The following PHLDB2 variants were observed in gnomAD, a reference collection of about 807,000 sequenced individuals.
PHLDB2 encodes the protein pleckstrin homology like domain family B member 2.
PHLDB2 carries 71 observed loss-of-function variants against 123.6 expected under a neutral mutation model. The ratio of observed to expected loss-of-function variants is 0.57; its 90% CI spans 0.47 to 0.70. PHLDB2 has a LOEUF of 0.70. Among genes scored for constraint, PHLDB2 ranks in the 30% least tolerant of loss-of-function variants. The pLI, the probability that PHLDB2 is intolerant of heterozygous loss-of-function variation, is 0.00. For missense variants in PHLDB2, 1,446 were observed against 1,519.5 expected (o/e 0.95, Z 0.80); for synonymous variants, 547 against 541.6 (o/e 1.01, Z -0.14).
At chr3:111,887,596 A>G (rs1430193431) in intron 2 of PHLDB2, among the ~76,000 whole-genome samples, 1 of 152,232 alleles carries the variant, frequency 6.6e-6, no homozygotes, top group Admixed American at 6.5e-5. Flanking sequence ...ATAGAGCAGT[A>G]TGAATGCCAA....
chr3:111,849,501 T>C (rs1323164221), intron 2 of PHLDB2, among the ~76,000 whole-genome samples: 1 of 152,194 alleles, frequency 6.6e-6, no homozygotes, highest in Admixed American at 6.5e-5. Flanking sequence ...GTCAGTCTTG[T>C]AAATATAATA....
intron 13 of PHLDB2, among the ~76,000 whole-genome samples, chr3:111,964,225 T>A (rs1343945569): frequency 2.0e-5 from 3 of 152,174 alleles, no homozygotes; most frequent in Non-Finnish European, 2.9e-5. Flanking sequence ...CGTAACTACT[T>A]GTCAGGAATT....
Position 111,846,086 on chromosome 3 carries a change from G to A in PHLDB2, c.67+151G>A, listed in dbSNP as rs144138155. On this transcript the variant is annotated intron_variant, in intron 2 of 17. Transcript: ENST00000393923. ...GCCTGAGGCTGGCAATCCTTGCCCAGAACTTTGGTCACCTGCTTGTTCACA... is the reference window on the plus strand; with the variant it reads ...GCCTGAGGCTGGCAATCCTTGCCCAAAACTTTGGTCACCTGCTTGTTCACA... The A allele has an allele frequency of 1.8e-3, 1,380 of 760,748 alleles. 2 individuals are homozygous for A. Among genetic ancestry groups the A allele is most frequent in the Middle Eastern group, 0.011 (28 of 2,600 alleles). 47.1% of individuals were successfully genotyped at this position (760,748 alleles called of 1,614,324 possible).
chr3:111,809,471 T>C (rs940226196), intron 1 of PHLDB2, among the ~76,000 whole-genome samples: 1 of 152,238 alleles, frequency 6.6e-6, no homozygotes, highest in African/African-American at 2.4e-5. Flanking sequence ...AGTGGGCCAC[T>C]GCCCAGCCTC....
chr3:111,850,019 AC>A (rs1323622854), intron 2 of PHLDB2, among the ~76,000 whole-genome samples: 1 of 151,574 alleles, frequency 6.6e-6, no homozygotes, highest in Non-Finnish European at 1.5e-5. Context: ...CCACCACCAC[AC>A]CCAGCTAATT....
intron 5 of PHLDB2, among the ~76,000 whole-genome samples, chr3:111,921,723 C>A (rs1265126678): frequency 2.6e-5 from 4 of 151,860 alleles, no homozygotes; most frequent in Admixed American, 2.6e-4. Context: ...CTGCCTCAGC[C>A]TCCCAAGTAG....
intron 1 of PHLDB2, among the ~76,000 whole-genome samples, chr3:111,823,530 G>A (rs556441450): frequency 7.2e-5 from 11 of 152,226 alleles, no homozygotes; most frequent in Admixed American, 5.2e-4. Context: ...GTGGGTCAAC[G>A]GAGTGGAATC....
chr3:111,830,972 A>AAGAAAGAAAGAAG lies in PHLDB2; in HGVS notation c.-48-14849_-48-14848insAGAAAGAAAGAAG, dbSNP rs1559855045. 5.8e-5 allele frequency among the ~76,000 whole-genome samples: 3 copies of AAGAAAGAAAGAAG among 51,890 alleles called. 1 individual carries two copies. The highest frequency in any genetic ancestry group is 1.0e-4 in the Non-Finnish European group (3 of 29,512). The allele number at this position is 51,890 out of a possible 152,430, so 34.0% of individuals were successfully genotyped here. The stretch of plus-strand genomic sequence containing the variant: ...GAAAGAAAGAGAAAGAAAGAAAGAA[A>AAGAAAGAAAGAAG]GAAAGAAAGAAAGAAAGAAAGAAAG... On this transcript the variant is annotated intron_variant, in intron 1 of 17. Transcript: ENST00000393923.
exon 1 of PHLDB2, chr3:111,732,639 G>A (rs1179932211): frequency 6.5e-7 from 1 of 1,535,898 alleles, no homozygotes; most frequent in Non-Finnish European, 8.7e-7. Context: ...AACAGCCATG[G>A]GCCATCCCTG....
chr3:111,943,107 A>G (rs1577148125), intron 8 of PHLDB2, among the ~76,000 whole-genome samples: 1 of 152,274 alleles, frequency 6.6e-6, no homozygotes, highest in East Asian at 1.9e-4. Flanking sequence ...TTGAACGAGA[A>G]CAAAGTTGGA....
intron 9 of PHLDB2, among the ~76,000 whole-genome samples, chr3:111,946,649 G>C (rs1007064856): frequency 2.6e-5 from 4 of 152,226 alleles, no homozygotes; most frequent in African/African-American, 9.6e-5. Flanking sequence ...GAATGTCATG[G>C]CCTAAGACAA....
intron 1 of PHLDB2, among the ~76,000 whole-genome samples, chr3:111,875,236 C>T (rs1018953782): frequency 3.3e-5 from 5 of 152,020 alleles, no homozygotes; most frequent in Admixed American, 6.5e-5. Flanking sequence ...ACAACCTCCG[C>T]CTCCCGGGTT....
At position 111,949,033 on chromosome 3, in the gene PHLDB2, G is replaced by T; in HGVS notation, c.2589G>T (p.Glu863Asp). The T allele has an allele frequency of 6.2e-7, 1 of 1,613,588 alleles. No homozygotes were observed. The highest frequency in any genetic ancestry group is 8.5e-7 in the Non-Finnish European group (1 of 1,179,912). ...FPADADAVAT[E>D]PATAVLASQP... is the part of the protein sequence containing the mutation. ...CTGATGCTGATGCTGTTGCCACTGA[G>T]CCTGCCACAGCTGTGCTGGCGAGCC... The change falls in exon 10 of 18, where the codon GAG (glutamate) becomes GAT (aspartate). Residue 863 changes from glutamate to aspartate, a missense_variant. By Grantham distance (45) the Glu-to-Asp change is conservative. This residue lies in a region of PHLDB2 where 594 missense variants were observed against 646.0 expected (regional missense o/e 0.92). Coordinates refer to ENST00000431670, the MANE Select transcript of PHLDB2 (RefSeq NM_001134438.2).
intron 12 of PHLDB2, 139 bp from the exon 13 acceptor site, chr3:111,961,969 T>C: frequency 1.3e-6 from 1 of 774,422 alleles, no homozygotes; most frequent in Non-Finnish European, 2.1e-6. Context: ...TCTTTGATCT[T>C]CTTGGCTTCA....
At chr3:111,862,775 A>G (rs375397569) in intron 1 of PHLDB2, among the ~76,000 whole-genome samples, 25 of 152,298 alleles carry the variant, frequency 1.6e-4, no homozygotes, top group African/African-American at 6.0e-4. Flanking sequence ...ACTTGTGTTC[A>G]TTGACAACTT....
At chr3:111,882,819 G>A (rs2065994984) in intron 1 of PHLDB2, among the ~76,000 whole-genome samples, 1 of 152,190 alleles carries the variant, frequency 6.6e-6, no homozygotes, top group South Asian at 2.1e-4. Context: ...GAGAGGGAGT[G>A]AGGAAGGCTT....
intron 1 of PHLDB2, among the ~76,000 whole-genome samples, chr3:111,878,422 A>T (rs1214978865): frequency 6.6e-6 from 1 of 152,212 alleles, no homozygotes; most frequent in East Asian, 1.9e-4. Context: ...GACTTCGCTG[A>T]AGTTGCTTAT....
chr3:111,787,144 G>C (rs895568499), intron 1 of PHLDB2, among the ~76,000 whole-genome samples: 1 of 152,184 alleles, frequency 6.6e-6, no homozygotes, highest in African/African-American at 2.4e-5. Flanking sequence ...AATTGTGTTG[G>C]ATGTCTTTAA....
Position 111,884,220 on chromosome 3 carries a change from G to C in PHLDB2, c.143G>C (p.Arg48Thr), listed in dbSNP as rs753033584. ...LSPKKYSSSL[R>T]FKANGDYSGS... Reference sequence around the variant, plus strand: ...CCAAAGAAATACTCTTCCAGTCTGAGATTTAAAGCCAATGGAGACTATTCT... The same window carrying C: ...CCAAAGAAATACTCTTCCAGTCTGACATTTAAAGCCAATGGAGACTATTCT... The change falls in exon 2 of 18, where the codon AGA becomes ACA. Residue 48 changes from arginine (R) to threonine (T), a missense_variant. This residue lies in a region of PHLDB2 where 832 missense variants were observed against 831.9 expected (regional missense o/e 1.00). Transcript: ENST00000431670. 6.2e-7 allele frequency: 1 copy of C among 1,614,036 alleles called. No individual in the cohort carries two copies. Among genetic ancestry groups the C allele is most frequent in the Non-Finnish European group, 8.5e-7 (1 of 1,180,026 alleles).
Sources: allele counts gnomAD v4.1 joint callset (sites outside exome capture counted in the v4.1 genomes callset), GRCh38; gene constraint gnomAD v4.1.1; regional missense constraint gnomAD v4.1.1; transcripts MANE v1.5; gene names NCBI Gene and HGNC (gene_info 2026-07-23, HGNC 2026-07-21).